GLP1R: variants seen among roughly 807,000 people sequenced by gnomAD.
The protein encoded by GLP1R is glucagon-like peptide 1 receptor.
Under a neutral mutation model 68.4 loss-of-function variants are expected in GLP1R, and 32 were observed. That is an observed-to-expected ratio of 0.47 (90% CI 0.35 to 0.63). The LOEUF (loss-of-function observed/expected upper bound fraction) is 0.63. Among genes scored for constraint, GLP1R ranks in the 20% least tolerant of loss-of-function variants. The pLI, the probability that GLP1R is intolerant of heterozygous loss-of-function variation, is 0.00. For missense variants in GLP1R, 502 were observed against 594.9 expected, an observed-to-expected ratio of 0.84 and a Z score of 1.62; for synonymous variants, 263 against 244.4, an observed-to-expected ratio of 1.08 and a Z score of -0.71.
chr6:39,086,066 G>T lies in GLP1R; in HGVS notation c.1385G>T (p.Cys462Phe). The T allele has an allele frequency of 6.2e-7, 1 of 1,613,640 alleles. No homozygotes were observed. Among genetic ancestry groups the T allele is most frequent in the Non-Finnish European group, 8.5e-7 (1 of 1,179,850 alleles). The change falls in exon 13 of 13, where the codon TGC (cysteine) becomes TTC (phenylalanine). Residue 462 changes from cysteine to phenylalanine, a missense_variant. Coordinates refer to ENST00000373256, the MANE Select transcript of GLP1R (RefSeq NM_002062.5). This position sits in a 1 kb window ranked among gnomAD's most constrained non-coding sequence, Gnocchi z 4.5. ...SMYTATCQASCS is the reference protein window; with the variant it reads ...SMYTATCQASFS The stretch of plus-strand genomic sequence containing the variant: ...TACACAGCCACTTGCCAGGCCTCCT[G>T]CAGCTGAGACTCCAGCGCCTGCCCT...
At position 39,063,290 on chromosome 6, in the gene GLP1R, G is replaced by A. The variant is rs1420405324; in HGVS notation, c.284-2421G>A. 2.6e-5 allele frequency among the ~76,000 whole-genome samples: 4 copies of A among 152,170 alleles called. No individual in the cohort carries two copies. The South Asian group carries it at 8.3e-4, about 31-fold the overall frequency. ...ACACTGATTTTGCCTCACGTCAGAA[G>A]ACTTGGCCCCAGTGAAGAATCTCAG... On this transcript the variant is annotated intron_variant, in intron 3 of 12. Transcript: ENST00000373256.
chr6:39,054,112 C>T (rs1768154805), intron 1 of GLP1R, among the ~76,000 whole-genome samples: 1 of 152,096 alleles, frequency 6.6e-6, no homozygotes, highest in South Asian at 2.1e-4. Flanking sequence ...GAACCCTGCC[C>T]CAACCACTCC....
rs193194461 is a variant in GLP1R, at chr6:39,050,286, G to C, written c.78+1368G>C. 3.3e-5 allele frequency among the ~76,000 whole-genome samples: 5 copies of C among 152,250 alleles called. No individual in the cohort carries two copies. In the South Asian group the frequency reaches 6.2e-4, roughly 19 times the overall value. On this transcript the variant is annotated intron_variant, in intron 1 of 12. Coordinates refer to ENST00000373256, the MANE Select transcript of GLP1R (RefSeq NM_002062.5). ...ACCCAAGATGTGGTTCTTGCCCATC[G>C]TTCCCTCCTCTTACGGACTGGGTTG...
chr6:39,066,750 A>G (rs1411554973), intron 5 of GLP1R, among the ~76,000 whole-genome samples: 1 of 152,166 alleles, frequency 6.6e-6, no homozygotes, highest in Admixed American at 6.5e-5. Context: ...TCTAACCTAG[A>G]TGAGACGTTC....
Position 39,057,561 on chromosome 6 carries a change from C to A in GLP1R, c.265C>A (p.Leu89Met). ...CGTGAATGTCAGCTGCCCCTGGTAC[C>A]TGCCCTGGGCCAGCAGTGGTGAGCC... ...SFVNVSCPWY[L>M]PWASSVPQGH... Residue 89 changes from leucine (L) to methionine (M), a missense_variant, in exon 3 of 13, where the codon CTG becomes ATG. By Grantham distance (15) the Leu-to-Met change is conservative (BLOSUM62 2). Transcript: ENST00000373256. The A allele has an allele frequency of 1.2e-6, 2 of 1,602,336 alleles. No individual in the cohort carries two copies. Among genetic ancestry groups the A allele is most frequent in the Non-Finnish European group, 1.7e-6 (2 of 1,173,050 alleles).
intron 2 of GLP1R, among the ~76,000 whole-genome samples, chr6:39,057,030 C>T (rs986839016): frequency 3.9e-5 from 6 of 152,202 alleles, no homozygotes; most frequent in African/African-American, 1.4e-4. Flanking sequence ...AGGTTGAAAT[C>T]CTGACTGTAA....
chr6:39,074,521 C>T (rs1036089988), intron 7 of GLP1R: 1 of 152,182 alleles, frequency 6.6e-6, no homozygotes, highest in African/African-American at 2.4e-5. Context: ...GAGAATAGGC[C>T]CTGCCCTCTG....
intron 5 of GLP1R, 74 bp downstream of exon 5, chr6:39,066,377 C>A (rs1356657945): frequency 2.5e-6 from 2 of 786,714 alleles, no homozygotes; most frequent in African/African-American, 1.7e-5. Flanking sequence ...AGCAGCCCAA[C>A]ACCAAATCAA....
Position 39,085,759 on chromosome 6 carries a change from T to C in GLP1R, c.1225-147T>C, listed in dbSNP as rs10305506. 234 of 732,102 alleles carry C rather than the reference T, an allele frequency of 3.2e-4. 2 individuals carry two copies. The African/African-American group carries it at 3.5e-3, about 11-fold the overall frequency. 45.4% of individuals were successfully genotyped at this position (732,102 alleles called of 1,614,324 possible). ...AACAATAAACAATTTTATTGGGATA[T>C]TAATTTAGGAGCCCGAAGGCCTTGA... On this transcript the variant is annotated intron_variant, in intron 12 of 12. Coordinates refer to ENST00000373256, the MANE Select transcript of GLP1R (RefSeq NM_002062.5).
At chr6:39,063,551 C>T (rs1057471370) in intron 3 of GLP1R, among the ~76,000 whole-genome samples, 2 of 152,130 alleles carry the variant, frequency 1.3e-5, no homozygotes, top group African/African-American at 2.4e-5. Flanking sequence ...GCAGGTTCTT[C>T]CAGAAGGAGT....
chr6:39,077,005 C>T (rs1337492940), intron 7 of GLP1R, among the ~76,000 whole-genome samples: 2 of 152,182 alleles, frequency 1.3e-5, no homozygotes, highest in Non-Finnish European at 2.9e-5. Context: ...GCTCTACCCT[C>T]AAGGAACTGG....
At chr6:39,082,980 C>T (rs530385190) in intron 12 of GLP1R, among the ~76,000 whole-genome samples, 1 of 152,308 alleles carries the variant, frequency 6.6e-6, no homozygotes, top group Non-Finnish European at 1.5e-5. Context: ...TCAGCTGCCT[C>T]TCCAGATTCC....
chr6:39,051,130 C>A lies in GLP1R; in HGVS notation c.78+2212C>A, dbSNP rs549275724. Among the ~76,000 whole-genome samples, 11 of 152,152 alleles carry A rather than the reference C, an allele frequency of 7.2e-5. No individual in the cohort carries two copies. In the South Asian group the frequency reaches 1.0e-3, roughly 14 times the overall value. ...CGGGCCTACTGAGGAGACAGGCAAG[C>A]CTTTGACACTCAAAGTTAAAATCAG... On this transcript the variant is annotated intron_variant, in intron 1 of 12. Transcript: ENST00000373256.
At position 39,085,888 on chromosome 6, in the gene GLP1R, C is replaced by G. The variant is rs968448625; in HGVS notation, c.1225-18C>G. On this transcript the variant is annotated intron_variant, in intron 12 of 12. Transcript: ENST00000373256. Reference sequence around the variant, plus strand: ...GGTTTGCATGATGGCTTTCGTTTCCCTCCTTTTCCCATGGAAGGTCCAGCT... The same window carrying G: ...GGTTTGCATGATGGCTTTCGTTTCCGTCCTTTTCCCATGGAAGGTCCAGCT... 13 of 1,613,368 alleles carry G rather than the reference C, an allele frequency of 8.1e-6. No homozygotes were observed. The East Asian group carries it at 2.5e-4, about 30-fold the overall frequency.
intron 3 of GLP1R, among the ~76,000 whole-genome samples, chr6:39,064,744 G>A (rs1025906557): frequency 6.6e-6 from 1 of 152,238 alleles, no homozygotes; most frequent in African/African-American, 2.4e-5. Flanking sequence ...AGCCTCTGCT[G>A]GGATGTGAAT....
chr6:39,077,136 C>A (rs911782495), intron 7 of GLP1R, among the ~76,000 whole-genome samples: 5 of 152,216 alleles, frequency 3.3e-5, no homozygotes, highest in Admixed American at 2.6e-4. Flanking sequence ...TTCAACTTAG[C>A]TGGGTACCTT....
At chr6:39,056,266 TG>T in intron 1 of GLP1R, 130 bp from the exon 2 acceptor site, 1 of 576,968 alleles carries the variant, frequency 1.7e-6, no homozygotes, top group African/African-American at 1.9e-5. Flanking sequence ...CTTTCAGAGG[TG>T]GCTGATGCCT....
chr6:39,057,185 G>A (rs961871915), intron 2 of GLP1R, among the ~76,000 whole-genome samples: 11 of 152,150 alleles, frequency 7.2e-5, no homozygotes, highest in Non-Finnish European at 1.5e-4. Context: ...CATTATCTAT[G>A]TAGCATATAG....
At position 39,048,840 on chromosome 6, in the gene GLP1R, C is replaced by A. The variant is rs755068903; in HGVS notation, c.-1C>A. On this transcript the variant is annotated 5_prime_UTR_variant, in exon 1 of 13. Transcript: ENST00000373256. ...GATGGCCCAGTCCTGAACTCCCCGC[C>A]ATGGCCGGCGCCCCCGGCCCGCTGC... 1 of 1,454,916 alleles carries A rather than the reference C, an allele frequency of 6.9e-7. No individual in the cohort carries two copies. The highest frequency in any genetic ancestry group is 2.8e-5 in the East Asian group (1 of 35,168). The allele number at this position is 1,454,916 out of a possible 1,614,324, so 90.1% of individuals were successfully genotyped here. A position where few individuals can be genotyped will look rare whatever the true frequency, so the allele number is the denominator to read the frequency against.
Sources: allele counts gnomAD v4.1 joint callset (sites outside exome capture counted in the v4.1 genomes callset), GRCh38; gene constraint gnomAD v4.1.1; non-coding constraint Gnocchi (gnomAD v3.1); transcripts MANE v1.5; gene names NCBI Gene and HGNC (gene_info 2026-07-23, HGNC 2026-07-21).